The following ROBO1 variants were observed in gnomAD, a reference collection of about 807,000 sequenced individuals.
ROBO1 encodes roundabout homolog 1.
A neutral mutation model predicts 195.9 loss-of-function variants in ROBO1; 149 were observed. That is an observed-to-expected ratio of 0.76 (90% confidence interval 0.67 to 0.87). The LOEUF (loss-of-function observed/expected upper bound fraction) is 0.87. Ranked by LOEUF, ROBO1 falls within the 40% of genes least tolerant of loss-of-function variation. The pLI, the probability that ROBO1 is intolerant of heterozygous loss-of-function variation, is 0.00. For synonymous variants in ROBO1, 816 were observed against 733.2 expected (o/e 1.11, Z -1.82); for missense variants, 1,933 against 2,068.3 (o/e 0.93, Z 1.27).
chr3:78,811,401 A>G (rs2084734843), intron 4 of ROBO1, among the ~76,000 whole-genome samples: 1 of 152,146 alleles, frequency 6.6e-6, no homozygotes, highest in Admixed American at 6.6e-5. Context: ...GCTACTTGGA[A>G]GTATTTCCAT....
At chr3:79,184,493 G>T (rs1386862217) in intron 2 of ROBO1, among the ~76,000 whole-genome samples, 2 of 152,116 alleles carry the variant, frequency 1.3e-5, no homozygotes, top group Admixed American at 6.6e-5. Context: ...AGAGAAGCAA[G>T]AAAGCACTAC....
intron 7 of ROBO1, among the ~76,000 whole-genome samples, chr3:78,716,179 C>G (rs1177363483): frequency 6.6e-6 from 1 of 152,178 alleles, no homozygotes; most frequent in Non-Finnish European, 1.5e-5. Context: ...TCAAATTCCC[C>G]CCTCTGAGCT....
In ROBO1 at chr3:78,667,922, T is replaced by C; in HGVS notation, c.1927A>G (p.Ser643Gly). 1 of 1,613,796 alleles carries C rather than the reference T, an allele frequency of 6.2e-7. No individual in the cohort carries two copies. Among genetic ancestry groups the C allele is most frequent in the South Asian group, 1.1e-5 (1 of 91,076 alleles). ...LVRAANAYGI[S>G]DPSQISDPVK... ...GGATCTGATATTTGGCTTGGATCAC[T>C]AATTCCATATGCATTAGCTGCCCTC... The change falls in exon 14 of 31, where the codon AGT becomes GGT. Residue 643 changes from serine to glycine, a missense_variant. Physicochemically the swap from Ser to Gly is moderately conservative, Grantham distance 56. Coordinates refer to ENST00000464233, the MANE Select transcript of ROBO1 (RefSeq NM_002941.4).
intron 3 of ROBO1, among the ~76,000 whole-genome samples, chr3:79,015,883 T>G (rs2077919365): frequency 6.6e-6 from 1 of 152,154 alleles, no homozygotes; most frequent in African/African-American, 2.4e-5. Context: ...CTTTGTTAAG[T>G]TGGCAGGCAG....
At chr3:79,558,565 A>G (rs1165691375) in intron 2 of ROBO1, among the ~76,000 whole-genome samples, 1 of 152,288 alleles carries the variant, frequency 6.6e-6, no homozygotes, top group East Asian at 1.9e-4. Flanking sequence ...GAGAGTGGTC[A>G]GCACTCTTTT....
At chr3:79,447,814 C>T (rs191553180) in intron 2 of ROBO1, among the ~76,000 whole-genome samples, 1 of 151,332 alleles carries the variant, frequency 6.6e-6, no homozygotes. Flanking sequence ...GAAGAGACAT[C>T]GCCTATTAAG....
intron 3 of ROBO1, among the ~76,000 whole-genome samples, chr3:79,090,159 C>A (rs369000870): frequency 6.6e-6 from 1 of 151,914 alleles, no homozygotes; most frequent in Non-Finnish European, 1.5e-5. Flanking sequence ...AGGCTGGTCT[C>A]GAACTCCTGA....
chr3:78,646,637 C>T (rs992519176), intron 20 of ROBO1, among the ~76,000 whole-genome samples: 2 of 149,806 alleles, frequency 1.3e-5, no homozygotes, highest in Admixed American at 6.7e-5. Context: ...ATTATTTTCC[C>T]GGAAGTATGA....
chr3:78,671,002 A>G (rs1708033306), intron 10 of ROBO1, among the ~76,000 whole-genome samples: 1 of 152,210 alleles, frequency 6.6e-6, no homozygotes, highest in Non-Finnish European at 1.5e-5. Flanking sequence ...TAACTTGGCA[A>G]ACACCATACT....
Position 79,610,021 on chromosome 3 carries a change from A to G in ROBO1, c.-50-20060T>C, listed in dbSNP as rs149206474. Among the ~76,000 whole-genome samples, 27 of 152,090 alleles carry G rather than the reference A, an allele frequency of 1.8e-4. 1 individual carries two copies. The East Asian group carries it at 5.0e-3, about 28-fold the overall frequency. ...TGAAATTTTATGTTATATATATTTT[A>G]TCAGTATTCTAAAATTATAAATAGA... On this transcript the variant is annotated intron_variant, in intron 1 of 30. Coordinates refer to ENST00000464233, the MANE Select transcript of ROBO1 (RefSeq NM_002941.4).
rs751775992 is a variant in ROBO1, at chr3:78,668,264, G to A, written c.1669C>T (p.Pro557Ser). The change falls in exon 13 of 31, where the codon CCA (proline) becomes TCA (serine). Residue 557 changes from proline to serine, a missense_variant. Transcript: ENST00000464233. ...VPVQPPRPTD[P>S]NLIPSAPSKP... ...GATGGGGCACTAGGGATTAAATTTGGGTCAGTAGGTCTTGGAGGCTGAACT... is the reference window on the plus strand; with the variant it reads ...GATGGGGCACTAGGGATTAAATTTGAGTCAGTAGGTCTTGGAGGCTGAACT... The A allele has an allele frequency of 3.7e-6, 6 of 1,613,576 alleles. No individual in the cohort carries two copies. The highest frequency in any genetic ancestry group is 5.1e-6 in the Non-Finnish European group (6 of 1,179,774).
intron 2 of ROBO1, among the ~76,000 whole-genome samples, chr3:79,442,501 C>T (rs2039090380): frequency 6.6e-6 from 1 of 152,056 alleles, no homozygotes; most frequent in African/African-American, 2.4e-5. Flanking sequence ...TTAAGTTGGA[C>T]TTATGGAAGG....
At chr3:79,450,231 T>C (rs1456202110) in intron 2 of ROBO1, among the ~76,000 whole-genome samples, 1 of 150,860 alleles carries the variant, frequency 6.6e-6, no homozygotes, top group Admixed American at 6.6e-5. Flanking sequence ...GATGAAAGAG[T>C]CAAATTCCTT....
intron 2 of ROBO1, among the ~76,000 whole-genome samples, chr3:79,366,902 A>C (rs565931902): frequency 6.6e-6 from 1 of 152,250 alleles, no homozygotes; most frequent in African/African-American, 2.4e-5. Flanking sequence ...AACAGGGGGA[A>C]GCTCTTAAGT....
At chr3:79,246,806 C>T (rs1163591390) in intron 2 of ROBO1, among the ~76,000 whole-genome samples, 1 of 151,898 alleles carries the variant, frequency 6.6e-6, no homozygotes, top group African/African-American at 2.4e-5. Context: ...CTACATGGTT[C>T]TAGGGAGAAT....
chr3:78,955,618 A>G (rs1358520483), intron 3 of ROBO1, among the ~76,000 whole-genome samples: 3 of 152,132 alleles, frequency 2.0e-5, no homozygotes, highest in African/African-American at 4.8e-5. Flanking sequence ...TCAATAAACT[A>G]AAATCAATTA....
At chr3:79,351,862 A>C (rs1242622701) in intron 2 of ROBO1, among the ~76,000 whole-genome samples, 1 of 152,148 alleles carries the variant, frequency 6.6e-6, no homozygotes, top group Non-Finnish European at 1.5e-5. Context: ...TCCTTAACAC[A>C]CATGTCTGTA....
chr3:79,410,457 A>G (rs890199506), intron 2 of ROBO1, among the ~76,000 whole-genome samples: 5 of 152,144 alleles, frequency 3.3e-5, no homozygotes, highest in African/African-American at 1.2e-4. Context: ...AAAACAAAAC[A>G]TTGAGGCAAC....
At chr3:78,979,814 T>TACACACACAA (rs1306845278) in intron 3 of ROBO1, among the ~76,000 whole-genome samples, 1 of 150,242 alleles carries the variant, frequency 6.7e-6, no homozygotes, top group East Asian at 2.0e-4. Context: ...AGAAAATGAA[T>TACACACACAA]ACACACACAA....
Sources: allele counts gnomAD v4.1 joint callset (sites outside exome capture counted in the v4.1 genomes callset), GRCh38; gene constraint gnomAD v4.1.1; transcripts MANE v1.5; gene names NCBI Gene and HGNC (gene_info 2026-07-23, HGNC 2026-07-21).